The following TRAK1 variants were observed in gnomAD, a reference collection of about 807,000 sequenced individuals.
The protein encoded by TRAK1 is trafficking kinesin protein 1, also known as trafficking kinesin-binding protein 1.
TRAK1 carries 33 observed loss-of-function variants against 92.1 expected under a neutral mutation model. The ratio of observed to expected loss-of-function variants is 0.36; its 90% confidence interval spans 0.27 to 0.48. The LOEUF (loss-of-function observed/expected upper bound fraction) is 0.48, where lower values mean the gene tolerates loss of function less well. Among genes scored for constraint, TRAK1 ranks in the 20% least tolerant of loss-of-function variants. The probability of loss-of-function intolerance (pLI) is 0.99; values close to 1 mark genes in which losing one functional copy is unlikely to be tolerated. For missense variants in TRAK1, 1,123 were observed against 1,257.9 expected, an observed-to-expected ratio of 0.89 and a Z score of 1.62; for synonymous variants, 521 against 517.3, an observed-to-expected ratio of 1.01 and a Z score of -0.10.
At chr3:42,151,498 C>T (rs1290614347) in intron 2 of TRAK1, 1 of 365,364 alleles carries the variant, frequency 2.7e-6, no homozygotes, top group African/African-American at 2.2e-5. Flanking sequence ...GAGCAAAATA[C>T]TTGTCCTTTA....
chr3:42,095,730 A>G (rs533012008), intron 1 of TRAK1, among the ~76,000 whole-genome samples: 21 of 152,148 alleles, frequency 1.4e-4, no homozygotes, highest in Non-Finnish European at 2.9e-4. Flanking sequence ...CATCATCATC[A>G]TCATCATCAT....
rs568762365 is a variant in TRAK1, at chr3:42,091,711, A to T, written c.91+151A>T. On this transcript the variant is annotated intron_variant, in intron 1 of 15. Coordinates refer to ENST00000327628, the MANE Select transcript of TRAK1 (RefSeq NM_001042646.3). ...TGTGGTAGAGAAATTGCCATGTTGAATGATAGGCAGAGCAAAGGGACTTCA... is the reference window on the plus strand; with the variant it reads ...TGTGGTAGAGAAATTGCCATGTTGATTGATAGGCAGAGCAAAGGGACTTCA... 13 of 704,466 alleles carry T rather than the reference A, an allele frequency of 1.8e-5. No individual in the cohort carries two copies. In the African/African-American group the frequency reaches 2.3e-4, roughly 13 times the overall value. The allele number at this position is 704,466 out of a possible 1,614,324, so 43.6% of individuals were successfully genotyped here.
At chr3:42,023,629 G>A (rs1018462058) in intron 1 of TRAK1, among the ~76,000 whole-genome samples, 21 of 151,980 alleles carry the variant, frequency 1.4e-4, no homozygotes, top group African/African-American at 4.6e-4. Flanking sequence ...GGGAGGGGGC[G>A]GAGTGAAGGA....
chr3:42,064,770 A>C (rs764611367), intron 1 of TRAK1, among the ~76,000 whole-genome samples: 1 of 152,150 alleles, frequency 6.6e-6, no homozygotes, highest in South Asian at 2.1e-4. Flanking sequence ...TAAAAAATAC[A>C]TGCCAGGCAT....
intron 1 of TRAK1, among the ~76,000 whole-genome samples, chr3:42,024,013 C>T (rs531788625): frequency 1.2e-4 from 18 of 152,202 alleles, no homozygotes; most frequent in Middle Eastern, 3.4e-3. Flanking sequence ...CCTTGGCCCC[C>T]CAAAGTGCTG....
At chr3:42,097,681 C>G (rs1194192787) in intron 1 of TRAK1, among the ~76,000 whole-genome samples, 1 of 152,200 alleles carries the variant, frequency 6.6e-6, no homozygotes. Context: ...CTTTCCATCC[C>G]TCATGTAGCA....
Position 42,193,219 on chromosome 3 carries a change from G to T in TRAK1, c.900+14G>T, listed in dbSNP as rs1477292590. 1.2e-6 allele frequency: 2 copies of T among 1,613,532 alleles called. No individual in the cohort carries two copies. On this transcript the variant is annotated intron_variant, in intron 8 of 15. Transcript: ENST00000327628. ...AAGGCAAAAGCTGTAAGGCTTCTCT[G>T]TTTATCTGGCTGATACAACAATGGC...
chr3:42,018,319 T>G (rs1701605826), intron 1 of TRAK1, among the ~76,000 whole-genome samples: 1 of 151,074 alleles, frequency 6.6e-6, no homozygotes, highest in African/African-American at 2.4e-5. Context: ...TTAAGGAAAA[T>G]GTACCTTGTT....
intron 2 of TRAK1, among the ~76,000 whole-genome samples, chr3:42,129,601 A>AAC (rs1696930431): frequency 6.6e-6 from 1 of 152,166 alleles, no homozygotes. Context: ...TGAGTCTGAG[A>AAC]AACACAGAAA....
intron 1 of TRAK1, among the ~76,000 whole-genome samples, chr3:42,055,796 C>G (rs1016070759): frequency 1.3e-5 from 2 of 152,172 alleles, no homozygotes; most frequent in Admixed American, 6.5e-5. Context: ...TTTCTTCACC[C>G]GCAAAAGAAA....
chr3:42,197,338 T>C (rs977241332), intron 10 of TRAK1, among the ~76,000 whole-genome samples: 8 of 152,196 alleles, frequency 5.3e-5, no homozygotes, highest in African/African-American at 1.4e-4. Flanking sequence ...TGCATGCCCT[T>C]CCACATACAA....
In TRAK1 at chr3:42,045,108, A is replaced by G. The variant is rs1368730375; in HGVS notation, c.-519+30991A>G. On this transcript the variant is annotated intron_variant, in intron 1 of 16. Coordinates refer to the TRAK1 transcript ENST00000487159. The stretch of plus-strand genomic sequence containing the variant: ...TTTCATAGTGCATTACTTCTCTACA[A>G]ACATGTATTTTTTGTTTGTTTGTTT... Among the ~76,000 whole-genome samples, 4 of 152,210 alleles carry G rather than the reference A, an allele frequency of 2.6e-5. No homozygotes were observed. In the East Asian group the frequency reaches 7.7e-4, roughly 29 times the overall value.
intron 2 of TRAK1, among the ~76,000 whole-genome samples, chr3:42,175,554 G>A (rs1195976755): frequency 6.6e-6 from 1 of 152,156 alleles, no homozygotes; most frequent in Non-Finnish European, 1.5e-5. Context: ...TGGCTCTGGT[G>A]GCACTGTCTT....
intron 1 of TRAK1, among the ~76,000 whole-genome samples, chr3:42,044,869 G>A (rs1043462166): frequency 6.6e-6 from 1 of 151,932 alleles, no homozygotes; most frequent in Non-Finnish European, 1.5e-5. Context: ...GATTTCTCTG[G>A]ATTTTTATGT....
chr3:42,114,085 G>T (rs1161335825), intron 1 of TRAK1, among the ~76,000 whole-genome samples: 1 of 152,170 alleles, frequency 6.6e-6, no homozygotes, highest in African/African-American at 2.4e-5. Context: ...CATTCAATAT[G>T]TGGTCTTTTG....
intron 2 of TRAK1, among the ~76,000 whole-genome samples, chr3:42,133,116 G>T (rs536275362): frequency 1.3e-5 from 2 of 152,220 alleles, no homozygotes; most frequent in East Asian, 1.9e-4. Context: ...GTACTCTTTG[G>T]ACCCAGCAGC....
chr3:42,223,303 C>T lies in TRAK1; in HGVS notation c.2428C>T (p.Leu810=), dbSNP rs374797269. 3.1e-6 allele frequency: 5 copies of T among 1,614,230 alleles called. No individual in the cohort carries two copies. The highest frequency in any genetic ancestry group is 3.4e-6 in the Non-Finnish European group (4 of 1,180,040). The change falls in exon 16 of 16, where the codon CTG becomes TTG. Residue 810 remains leucine, a synonymous_variant. Transcript: ENST00000327628. This position sits in a 1 kb window ranked among gnomAD's most constrained non-coding sequence, Gnocchi z 6.1. ...CACGAGCCCTCCCTACGACAATTTC[C>T]TGGCTTCCAAGCCAGCCAGCTCCAT... ...KCTSPPYDNF[L]ASKPASSILR...
chr3:42,212,687 A>T, intron 14 of TRAK1: 1 of 523,344 alleles, frequency 1.9e-6, no homozygotes. Flanking sequence ...TAGAAAGTAT[A>T]CTTTATCAGA....
intron 1 of TRAK1, among the ~76,000 whole-genome samples, chr3:42,058,545 T>C (rs1297226143): frequency 4.6e-5 from 7 of 152,294 alleles, no homozygotes; most frequent in Non-Finnish European, 7.4e-5. Context: ...GGTTTCACCA[T>C]GTTGGCTGGT....
Sources: gnomAD v4.1 joint callset for allele counts (sites outside exome capture counted in the v4.1 genomes callset) on GRCh38, gnomAD v4.1.1 for gene constraint, Gnocchi (gnomAD v3.1) non-coding constraint, MANE v1.5 for transcripts, NCBI Gene and HGNC (gene_info 2026-07-23, HGNC 2026-07-21) for gene names.